Variants in MAP3K20 observed in about 807,000 individuals in gnomAD.
The protein encoded by MAP3K20 is mitogen-activated protein kinase kinase kinase 20.
A neutral mutation model predicts 85.7 loss-of-function variants in MAP3K20; 40 were observed. That is an observed-to-expected ratio of 0.47 (90% CI 0.36 to 0.61). The LOEUF is 0.61. Among genes scored for constraint, MAP3K20 ranks in the 20% least tolerant of loss-of-function variants. The pLI, the probability that MAP3K20 is intolerant of heterozygous loss-of-function variation, is 0.00. For missense variants in MAP3K20, 817 were observed against 961.7 expected, an observed-to-expected ratio of 0.85 and a Z score of 1.99; for synonymous variants, 325 against 327.7, an observed-to-expected ratio of 0.99 and a Z score of 0.09.
Position 173,267,197 on chromosome 2 carries a change from C to T in MAP3K20, c.*447C>T, listed in dbSNP as rs947584712. 1 of 152,778 alleles carries T rather than the reference C, an allele frequency of 6.5e-6. No homozygotes were observed. Among genetic ancestry groups the T allele is most frequent in the Non-Finnish European group, 1.5e-5 (1 of 68,498 alleles). 9.5% of individuals were successfully genotyped at this position (152,778 alleles called of 1,614,324 possible). On this transcript the variant is annotated 3_prime_UTR_variant, in exon 20 of 20. Coordinates refer to ENST00000375213, the MANE Select transcript of MAP3K20 (RefSeq NM_016653.3). ...GCACTGTTACTGATCTTGTCTTTAA[C>T]ATTTTGATATTTTGTTCATCATAAT...
intron 2 of MAP3K20, among the ~76,000 whole-genome samples, chr2:173,147,434 CAT>C (rs1689166776): frequency 2.0e-5 from 3 of 152,144 alleles, no homozygotes; most frequent in African/African-American, 7.2e-5. Context: ...CAGGATATGT[CAT>C]ATGGCCACAT....
At chr2:173,215,065 G>T (rs779996899) in intron 10 of MAP3K20, among the ~76,000 whole-genome samples, 74 of 152,222 alleles carry the variant, frequency 4.9e-4, no homozygotes, top group Non-Finnish European at 1.6e-4. Context: ...TTTTCTGGAA[G>T]TGCTCAAAAT....
chr2:173,201,860 G>C (rs1238502653), intron 8 of MAP3K20, among the ~76,000 whole-genome samples: 1 of 152,166 alleles, frequency 6.6e-6, no homozygotes, highest in Non-Finnish European at 1.5e-5. Context: ...GGCCATGTCA[G>C]ATTATTTAAA....
chr2:173,267,349 C>G lies in MAP3K20; in HGVS notation c.*599C>G, dbSNP rs1685449646. The G allele has an allele frequency of 6.7e-6, 1 of 149,684 alleles. No homozygotes were observed. The highest frequency in any genetic ancestry group is 6.7e-5 in the Admixed American group (1 of 15,012). 9.3% of individuals were successfully genotyped at this position (149,684 alleles called of 1,614,324 possible). ...CTTTCCCCCTCTTTTTTTTGGATGT[C>G]CCCTTAAATTTTGTGCCCAAGGCAG... is the stretch of plus-strand genomic sequence containing the variant. On this transcript the variant is annotated 3_prime_UTR_variant, in exon 20 of 20. Transcript: ENST00000375213.
intron 3 of MAP3K20, among the ~76,000 whole-genome samples, chr2:173,175,146 C>T (rs999302346): frequency 2.0e-5 from 3 of 152,152 alleles, no homozygotes; most frequent in African/African-American, 7.2e-5. Context: ...CTTTGAAAAA[C>T]TAGCTTTGAT....
At chr2:173,240,142 T>G (rs1409623576) in intron 16 of MAP3K20, among the ~76,000 whole-genome samples, 1 of 152,166 alleles carries the variant, frequency 6.6e-6, no homozygotes, top group Non-Finnish European at 1.5e-5. Flanking sequence ...TTTCCCCCAT[T>G]TTGCAAATGA....
At chr2:173,160,051 T>C (rs1689601980) in intron 2 of MAP3K20, 1 of 152,144 alleles carries the variant, frequency 6.6e-6, no homozygotes, top group African/African-American at 2.4e-5. Context: ...ATTTTTTTTT[T>C]CATAGCATTT....
chr2:173,223,966 A>G, intron 11 of MAP3K20: 1 of 985,434 alleles, frequency 1.0e-6, no homozygotes, highest in Non-Finnish European at 1.2e-6. Context: ...AGGCAAAGAT[A>G]GTCATTCATT....
At chr2:173,205,249 A>T (rs1012677973) in intron 9 of MAP3K20, among the ~76,000 whole-genome samples, 1 of 152,176 alleles carries the variant, frequency 6.6e-6, no homozygotes, top group Non-Finnish European at 1.5e-5. Context: ...TAGAGGTATT[A>T]AAACTGATCT....
At chr2:173,216,740 G>C (rs112235841) in intron 10 of MAP3K20, among the ~76,000 whole-genome samples, 9 of 152,240 alleles carry the variant, frequency 5.9e-5, no homozygotes, top group African/African-American at 2.2e-4. Context: ...CCTATACTAT[G>C]AGATTAATAC....
At chr2:173,247,942 C>T (rs1220157458) in intron 16 of MAP3K20, among the ~76,000 whole-genome samples, 1 of 152,134 alleles carries the variant, frequency 6.6e-6, no homozygotes. Context: ...CTGACTGGCT[C>T]TCTGAGGGCA....
At chr2:173,080,159 T>A (rs1686975247) in intron 1 of MAP3K20, among the ~76,000 whole-genome samples, 1 of 152,234 alleles carries the variant, frequency 6.6e-6, no homozygotes, top group African/African-American at 2.4e-5. Context: ...TACAATCTTA[T>A]GGGATCGCTG....
chr2:173,246,478 C>T (rs1029710614), intron 16 of MAP3K20, among the ~76,000 whole-genome samples: 5 of 152,142 alleles, frequency 3.3e-5, no homozygotes, highest in Admixed American at 3.3e-4. Context: ...TTAAAATATT[C>T]GGCTGCCTAG....
intron 16 of MAP3K20, 141 bp downstream of exon 16, chr2:173,239,637 T>C: frequency 1.3e-6 from 1 of 754,706 alleles, no homozygotes; most frequent in Non-Finnish European, 2.0e-6. Context: ...AAATAGAATT[T>C]AGCTGAAAGG....
In MAP3K20 at chr2:173,232,958, A is replaced by T. The variant is rs894477346; in HGVS notation, c.1203+499A>T. 8.1e-4 allele frequency among the ~76,000 whole-genome samples: 124 copies of T among 152,194 alleles called. 2 individuals carry two copies. Among genetic ancestry groups the T allele is most frequent in the Non-Finnish European group, 2.4e-4 (16 of 68,030 alleles). ...CCCCAGGCACCCCTATTCCTTCCTC[A>T]TAATCCAAACAGCAAAAAGGTGCAT... On this transcript the variant is annotated intron_variant, in intron 14 of 19. Coordinates refer to ENST00000375213, the MANE Select transcript of MAP3K20 (RefSeq NM_016653.3).
chr2:173,194,917 G>A (rs1005799666), intron 7 of MAP3K20, among the ~76,000 whole-genome samples: 4 of 152,024 alleles, frequency 2.6e-5, no homozygotes, highest in African/African-American at 9.7e-5. Context: ...CTTAACAAAT[G>A]GCAAGACTCA....
intron 2 of MAP3K20, among the ~76,000 whole-genome samples, chr2:173,111,271 T>C (rs913162168): frequency 1.6e-4 from 24 of 152,136 alleles, no homozygotes; most frequent in Admixed American, 1.5e-3. Flanking sequence ...CCACTTTTTA[T>C]GGGATTGTTT....
chr2:173,130,919 CAT>C (rs953532990), intron 2 of MAP3K20, among the ~76,000 whole-genome samples: 64 of 152,316 alleles, frequency 4.2e-4, no homozygotes, highest in African/African-American at 1.5e-3. Context: ...TCTACTGAAA[CAT>C]GTGGCTATGA....
intron 2 of MAP3K20, among the ~76,000 whole-genome samples, chr2:173,148,201 C>T (rs973405096): frequency 8.5e-5 from 13 of 152,284 alleles, no homozygotes; most frequent in African/African-American, 2.9e-4. Context: ...CACCAGTTCT[C>T]GTCTGTCTTT....
Sources: allele counts gnomAD v4.1 joint callset (sites outside exome capture counted in the v4.1 genomes callset), GRCh38; gene constraint gnomAD v4.1.1; transcripts MANE v1.5; gene names NCBI Gene and HGNC (gene_info 2026-07-23, HGNC 2026-07-21).